The following MID1 variants were observed in gnomAD, a reference collection of about 807,000 sequenced individuals.
MID1 encodes E3 ubiquitin-protein ligase Midline-1.
A neutral mutation model predicts 40.4 loss-of-function variants in MID1; 7 were observed. The ratio of observed to expected loss-of-function variants is 0.17; its 90% confidence interval spans 0.10 to 0.33. The LOEUF is 0.33. MID1 is among the 10% of genes least tolerant of loss of function. The pLI is 1.00. For synonymous variants in MID1, 229 were observed against 221.2 expected, an observed-to-expected ratio of 1.04 and a Z score of -0.31; for missense variants, 367 against 558.5, an observed-to-expected ratio of 0.66 and a Z score of 3.46.
chrX:10,527,966 T>C (rs1932864614), intron 2 of MID1, among the ~76,000 whole-genome samples: 1 of 112,065 alleles, frequency 8.9e-6, no homozygotes. Context: ...TCTACGATCA[T>C]CTCCATAGAC....
At chrX:10,803,862 T>C (rs2044026249) in intron 1 of MID1, among the ~76,000 whole-genome samples, 1 of 112,069 alleles carries the variant, frequency 8.9e-6, no homozygotes, top group Non-Finnish European at 1.9e-5. Flanking sequence ...TTCTACTCCC[T>C]TCTTTATTCT....
intron 1 of MID1, among the ~76,000 whole-genome samples, chrX:10,618,111 AG>A (rs1217869130): frequency 8.9e-6 from 1 of 112,237 alleles, no homozygotes; most frequent in Non-Finnish European, 1.9e-5. Flanking sequence ...AGTGGCAGGC[AG>A]GGGTCTCTTC....
At chrX:10,745,159 C>CA (rs2043549637) in intron 1 of MID1, among the ~76,000 whole-genome samples, 1 of 112,669 alleles carries the variant, frequency 8.9e-6, no homozygotes, top group Admixed American at 9.4e-5. Context: ...TCCTGGTTCT[C>CA]ACCTCGCAAA....
chrX:10,655,027 T>G (rs1339668791), intron 1 of MID1, among the ~76,000 whole-genome samples: 1 of 112,036 alleles, frequency 8.9e-6, no homozygotes. Context: ...ACAAGGAAAT[T>G]ACATAATATC....
intron 1 of MID1, among the ~76,000 whole-genome samples, chrX:10,676,101 A>G (rs897783079): frequency 8.9e-6 from 1 of 111,995 alleles, no homozygotes; most frequent in African/African-American, 3.2e-5. Flanking sequence ...AGACAATTGA[A>G]AAATTTCCAG....
intron 1 of MID1, among the ~76,000 whole-genome samples, chrX:10,644,256 CT>C (rs1001432071): frequency 1.8e-5 from 2 of 110,799 alleles, no homozygotes; most frequent in African/African-American, 3.3e-5. Flanking sequence ...AAATTGTGCC[CT>C]TTAAATGCAT....
At chrX:10,558,077 A>AAG (rs1308153657) in intron 2 of MID1, among the ~76,000 whole-genome samples, 1 of 110,285 alleles carries the variant, frequency 9.1e-6, no homozygotes, top group African/African-American at 3.3e-5. Flanking sequence ...AAAAAAAAAA[A>AAG]AAAACACTTC....
At chrX:10,826,205 A>G (rs1306713393) in intron 1 of MID1, among the ~76,000 whole-genome samples, 2 of 110,883 alleles carry the variant, frequency 1.8e-5, no homozygotes, top group African/African-American at 6.6e-5. Flanking sequence ...CTGTTTTTAC[A>G]CCTAGTCCCT....
chrX:10,500,564 T>C, intron 3 of MID1, among the ~76,000 whole-genome samples: 1 of 112,507 alleles, frequency 8.9e-6, no homozygotes, highest in Non-Finnish European at 1.9e-5. Flanking sequence ...CAAAGAAGTT[T>C]TCCACAGTTT....
intron 1 of MID1, among the ~76,000 whole-genome samples, chrX:10,806,923 CATTTA>C (rs962286285): frequency 1.8e-5 from 2 of 111,434 alleles, no homozygotes; most frequent in Middle Eastern, 4.6e-3. Context: ...TTAAAAAAAA[CATTTA>C]ATTAGAATAC....
chrX:10,779,588 G>A (rs1001724039), intron 1 of MID1, among the ~76,000 whole-genome samples: 1 of 112,220 alleles, frequency 8.9e-6, no homozygotes, highest in African/African-American at 3.2e-5. Flanking sequence ...CAGAGAAGAG[G>A]ACATTGGATT....
chrX:10,720,512 T>C (rs1341458736), intron 1 of MID1, among the ~76,000 whole-genome samples: 8 of 111,729 alleles, frequency 7.2e-5, no homozygotes, highest in African/African-American at 9.8e-5. Context: ...CATCTCACAC[T>C]AGTTAGAATG....
intron 1 of MID1, among the ~76,000 whole-genome samples, chrX:10,627,602 T>C (rs1423356899): frequency 1.8e-5 from 2 of 112,198 alleles, no homozygotes; most frequent in East Asian, 5.6e-4. Flanking sequence ...CTGGTTACTG[T>C]CCTTCATATT....
At chrX:10,826,784 T>A (rs1454167699) in intron 1 of MID1, among the ~76,000 whole-genome samples, 1 of 112,694 alleles carries the variant, frequency 8.9e-6, no homozygotes, top group Non-Finnish European at 1.9e-5. Context: ...GTTTGTCTCC[T>A]ACACTTGACT....
intron 7 of MID1, among the ~76,000 whole-genome samples, chrX:10,466,949 T>A (rs957108069): frequency 2.7e-5 from 3 of 111,363 alleles, no homozygotes; most frequent in Non-Finnish European, 3.8e-5. Flanking sequence ...TTCCTAGAAA[T>A]TGCACCTCAA....
In MID1 at chrX:10,655,824, C is replaced by T. The variant is rs764178409; in HGVS notation, c.-186-35405G>A. On this transcript the variant is annotated intron_variant, in intron 1 of 10. Transcript: ENST00000380785. ...GAGATGAGGTGGAGCAGCGATTGAT[C>T]ATGTAGATCATGTAGAAGCATCTCA... Among the ~76,000 whole-genome samples, 24 of 110,330 alleles carry T rather than the reference C, an allele frequency of 2.2e-4. 1 individual carries two copies. Among genetic ancestry groups the T allele is most frequent in the Middle Eastern group, 9.3e-3 (2 of 215 alleles).
intron 2 of MID1, among the ~76,000 whole-genome samples, chrX:10,523,868 C>T (rs1315465613): frequency 8.9e-6 from 1 of 111,886 alleles, no homozygotes; most frequent in Non-Finnish European, 1.9e-5. Flanking sequence ...AATATAACTA[C>T]TATTTACATA....
At chrX:10,757,971 T>C (rs1222675742) in intron 1 of MID1, among the ~76,000 whole-genome samples, 3 of 110,309 alleles carry the variant, frequency 2.7e-5, no homozygotes, top group Non-Finnish European at 1.9e-5. Flanking sequence ...TATTTATTTA[T>C]TTATTTATTT....
chrX:10,456,068 A>T (rs937537615), intron 8 of MID1, among the ~76,000 whole-genome samples: 1 of 112,388 alleles, frequency 8.9e-6, no homozygotes, highest in Non-Finnish European at 1.9e-5. Flanking sequence ...TCACTGTTGC[A>T]GTTGGCAGGT....
Sources: gnomAD v4.1 joint callset for allele counts (sites outside exome capture counted in the v4.1 genomes callset) on GRCh38, gnomAD v4.1.1 for gene constraint, MANE v1.5 for transcripts, NCBI Gene and HGNC (gene_info 2026-07-23, HGNC 2026-07-21) for gene names.